The following RASAL2 variants were observed in gnomAD, a reference collection of about 807,000 sequenced individuals.
RASAL2 encodes the protein ras GTPase-activating protein nGAP.
RASAL2 carries 58 observed loss-of-function variants against 128.9 expected under a neutral mutation model. The ratio of observed to expected loss-of-function variants is 0.45; its 90% CI spans 0.36 to 0.56. RASAL2 has a LOEUF of 0.56. Among genes scored for constraint, RASAL2 ranks in the 20% least tolerant of loss-of-function variants. The pLI is 0.00. For synonymous variants in RASAL2, 561 were observed against 580.8 expected, an observed-to-expected ratio of 0.97 and a Z score of 0.49; for missense variants, 1,360 against 1,601.6, an observed-to-expected ratio of 0.85 and a Z score of 2.57.
At chr1:178,404,221 G>A (rs1160200579) in intron 4 of RASAL2, among the ~76,000 whole-genome samples, 2 of 128,022 alleles carry the variant, frequency 1.6e-5, no homozygotes, top group Non-Finnish European at 3.2e-5. Context: ...GCGAGACCCC[G>A]TCTCAAAAAA....
At chr1:178,162,442 AAT>A (rs1379618594) in intron 1 of RASAL2, among the ~76,000 whole-genome samples, 125 of 119,080 alleles carry the variant, frequency 1.0e-3, no homozygotes, top group East Asian at 5.2e-3. Flanking sequence ...TTTTATATAT[AAT>A]ATATATAATA....
intron 3 of RASAL2, among the ~76,000 whole-genome samples, chr1:178,376,343 G>A (rs1671987864): frequency 6.6e-6 from 1 of 152,162 alleles, no homozygotes; most frequent in Admixed American, 6.6e-5. Flanking sequence ...CACAGGTTAA[G>A]CCTTTTGCCT....
intron 2 of RASAL2, among the ~76,000 whole-genome samples, chr1:178,296,483 C>T (rs1667512377): frequency 6.6e-6 from 1 of 152,050 alleles, no homozygotes; most frequent in Non-Finnish European, 1.5e-5. Context: ...CCTCAGCCTC[C>T]CGAGTAGCTG....
intron 1 of RASAL2, among the ~76,000 whole-genome samples, chr1:178,142,188 G>T (rs1320514813): frequency 4.6e-5 from 7 of 152,088 alleles, no homozygotes; most frequent in African/African-American, 1.7e-4. Context: ...GGTTCCTTTG[G>T]CAGTATCCAG....
At chr1:178,264,271 C>T (rs1399284422) in intron 1 of RASAL2, among the ~76,000 whole-genome samples, 1 of 152,198 alleles carries the variant, frequency 6.6e-6, no homozygotes, top group Non-Finnish European at 1.5e-5. Flanking sequence ...CATCCATTGT[C>T]AACTCTTTCA....
At position 178,125,664 on chromosome 1, in the gene RASAL2, A is replaced by C. The variant is rs146538515; in HGVS notation, c.202+30970A>C. 1.8e-4 allele frequency among the ~76,000 whole-genome samples: 27 copies of C among 152,288 alleles called. No homozygotes were observed. The East Asian group carries it at 5.2e-3, about 29-fold the overall frequency. ...ACATTGACAAGGCTTCTGCTTTCTC[A>C]CACTTAGTAGCTGGGACTGTCAAAC... On this transcript the variant is annotated intron_variant, in intron 1 of 17. Coordinates refer to ENST00000367649, the MANE Select transcript of RASAL2 (RefSeq NM_170692.4).
chr1:178,174,925 G>A (rs1020847608), intron 1 of RASAL2, among the ~76,000 whole-genome samples: 3 of 152,220 alleles, frequency 2.0e-5, no homozygotes, highest in African/African-American at 7.2e-5. Context: ...AATTGTGATT[G>A]CTATGTATTG....
intron 1 of RASAL2, among the ~76,000 whole-genome samples, chr1:178,274,676 C>T (rs1299693962): frequency 6.6e-6 from 1 of 152,132 alleles, no homozygotes; most frequent in Non-Finnish European, 1.5e-5. Flanking sequence ...CAGCATCGAC[C>T]TCCCAGGCTC....
At chr1:178,312,250 A>T (rs1159480120) in intron 3 of RASAL2, among the ~76,000 whole-genome samples, 3 of 152,196 alleles carry the variant, frequency 2.0e-5, no homozygotes, top group Admixed American at 1.3e-4. Context: ...CATTTCATGA[A>T]ATTCTAAATT....
intron 4 of RASAL2, among the ~76,000 whole-genome samples, chr1:178,406,442 A>G (rs1009577772): frequency 3.3e-5 from 5 of 152,232 alleles, no homozygotes; most frequent in African/African-American, 1.2e-4. Context: ...GACTGACTAC[A>G]GAAAGGCATG....
chr1:178,296,180 T>G (rs556018251), intron 2 of RASAL2, among the ~76,000 whole-genome samples: 1 of 151,944 alleles, frequency 6.6e-6, no homozygotes, highest in African/African-American at 2.4e-5. Flanking sequence ...TGTGTGCATA[T>G]ATATATATAT....
chr1:178,373,785 T>C (rs1671847966), intron 3 of RASAL2, among the ~76,000 whole-genome samples: 1 of 152,062 alleles, frequency 6.6e-6, no homozygotes, highest in Admixed American at 6.6e-5. Flanking sequence ...CCTGCTCCTG[T>C]CCTCTGATTA....
At chr1:178,310,771 C>T (rs1196348666) in intron 3 of RASAL2, among the ~76,000 whole-genome samples, 1 of 152,172 alleles carries the variant, frequency 6.6e-6, no homozygotes, top group Non-Finnish European at 1.5e-5. Context: ...CAAACTGTTA[C>T]CCAATTACCT....
At chr1:178,343,880 T>C (rs1670009532) in intron 3 of RASAL2, among the ~76,000 whole-genome samples, 1 of 152,058 alleles carries the variant, frequency 6.6e-6, no homozygotes, top group Non-Finnish European at 1.5e-5. Flanking sequence ...GTATAATACA[T>C]GTAGATAGTT....
intron 4 of RASAL2, among the ~76,000 whole-genome samples, chr1:178,419,808 A>T (rs1675024210): frequency 6.6e-6 from 1 of 152,188 alleles, no homozygotes; most frequent in Admixed American, 6.5e-5. Flanking sequence ...GGGGCCATAG[A>T]CTGTAAAGCA....
chr1:178,328,139 A>G (rs1178603681), intron 3 of RASAL2, among the ~76,000 whole-genome samples: 1 of 152,196 alleles, frequency 6.6e-6, no homozygotes, highest in Non-Finnish European at 1.5e-5. Flanking sequence ...GGGAAATGAT[A>G]CATCTGGTTA....
At chr1:178,155,591 A>G (rs1269046364) in intron 1 of RASAL2, among the ~76,000 whole-genome samples, 1 of 150,880 alleles carries the variant, frequency 6.6e-6, no homozygotes, top group Non-Finnish European at 1.5e-5. Context: ...AGCCTCCTAC[A>G]TCTTTTGTGA....
At position 178,308,067 on chromosome 1, in the gene RASAL2, A is replaced by G. The variant is rs372873361; in HGVS notation, c.457+7949A>G. ...TTTTAATATATTATAATAAAATATTAAAGTTATCCCGTCATCTTACTTACA... is the reference window on the plus strand; with the variant it reads ...TTTTAATATATTATAATAAAATATTGAAGTTATCCCGTCATCTTACTTACA... On this transcript the variant is annotated intron_variant, in intron 3 of 17. Coordinates refer to ENST00000367649, the MANE Select transcript of RASAL2 (RefSeq NM_170692.4). 2.0e-5 allele frequency among the ~76,000 whole-genome samples: 3 copies of G among 152,226 alleles called. No individual in the cohort carries two copies. The East Asian group carries it at 5.8e-4, about 29-fold the overall frequency.
intron 1 of RASAL2, among the ~76,000 whole-genome samples, chr1:178,166,549 T>C (rs947852375): frequency 1.3e-5 from 2 of 152,198 alleles, no homozygotes; most frequent in African/African-American, 4.8e-5. Flanking sequence ...TTTGTATATC[T>C]TATCTAAAAG....
Sources: gnomAD v4.1 joint callset for allele counts (sites outside exome capture counted in the v4.1 genomes callset) on GRCh38, gnomAD v4.1.1 for gene constraint, MANE v1.5 for transcripts, NCBI Gene and HGNC (gene_info 2026-07-23, HGNC 2026-07-21) for gene names.